ASB15: variants seen among roughly 807,000 people sequenced by gnomAD.
ASB15 encodes ankyrin repeat and SOCS box protein 15.
ASB15 carries 54 observed loss-of-function variants against 58.0 expected under a neutral mutation model. The ratio of observed to expected loss-of-function variants is 0.93; its 90% confidence interval spans 0.75 to 1.17. The LOEUF (loss-of-function observed/expected upper bound fraction) is 1.17. Ranked by LOEUF, ASB15 falls within the 50% of genes most tolerant of loss-of-function variation. ASB15 has a pLI of 0.00. For missense variants in ASB15, 680 were observed against 707.4 expected (o/e 0.96, Z 0.44); for synonymous variants, 249 against 262.4 (o/e 0.95, Z 0.50).
chr7:123,577,917 A>T (rs1799108955), intron 1 of ASB15, among the ~76,000 whole-genome samples: 1 of 151,870 alleles, frequency 6.6e-6, no homozygotes, highest in African/African-American at 2.4e-5. Flanking sequence ...TTATACTTTA[A>T]GTTCCGGGAT....
chr7:123,613,656 G>T (rs1800603176), intron 3 of ASB15, among the ~76,000 whole-genome samples: 3 of 152,124 alleles, frequency 2.0e-5, no homozygotes, highest in Admixed American at 1.3e-4. Flanking sequence ...CTGGTTTCCG[G>T]TCTATGGATG....
At chr7:123,591,172 T>A (rs924351921) in intron 1 of ASB15, among the ~76,000 whole-genome samples, 9 of 152,224 alleles carry the variant, frequency 5.9e-5, no homozygotes, top group Non-Finnish European at 2.9e-5. Flanking sequence ...TTTGCTGAAG[T>A]TGCTTATCAG....
At chr7:123,627,024 T>C in intron 8 of ASB15, 86 bp from the exon 9 acceptor site, 1 of 1,403,006 alleles carries the variant, frequency 7.1e-7, no homozygotes, top group Non-Finnish European at 9.8e-7. Context: ...TGAGCCACCA[T>C]GCCCAGCCCC....
rs1022737165 is a variant in ASB15, at chr7:123,639,099, G to C, written c.*2118G>C. On this transcript the variant is annotated 3_prime_UTR_variant, in exon 12 of 12. Transcript: ENST00000451215. Reference sequence around the variant, plus strand: ...ATGCTATTATTCTTAGATTTTAATAGTGTATTTTTCTTATATTTATTTTTA... The same window carrying C: ...ATGCTATTATTCTTAGATTTTAATACTGTATTTTTCTTATATTTATTTTTA... 1.9e-4 allele frequency: 29 copies of C among 151,348 alleles called. No individual in the cohort carries two copies. The highest frequency in any genetic ancestry group is 6.5e-4 in the African/African-American group (27 of 41,328). 9.4% of individuals were successfully genotyped at this position (151,348 alleles called of 1,614,324 possible).
intron 1 of ASB15, among the ~76,000 whole-genome samples, chr7:123,586,111 A>T (rs1212658577): frequency 2.0e-5 from 3 of 151,824 alleles, no homozygotes; most frequent in Non-Finnish European, 4.4e-5. Context: ...AGGTTGCTAG[A>T]TCATATAATA....
chr7:123,578,066 C>T (rs1176751837), intron 1 of ASB15, among the ~76,000 whole-genome samples: 4 of 150,836 alleles, frequency 2.7e-5, no homozygotes, highest in African/African-American at 9.8e-5. Flanking sequence ...TGACAGGCCC[C>T]GGTGTGTGAA....
At position 123,629,209 on chromosome 7, in the gene ASB15, T is replaced by C. The variant is rs1562940324; in HGVS notation, c.1215T>C (p.Asn405=). The change falls in exon 10 of 12, where the codon AAT becomes AAC. Residue 405 remains asparagine, a synonymous_variant. Transcript: ENST00000451215. ...GGCTGCTTCTCTCCCATGGAGCTAA[T>C]GTCAATTGTTATTTTATGCATGTGA... ...IVRLLLSHGA[N]VNCYFMHVND... is the part of the protein sequence containing the mutation. The C allele has an allele frequency of 1.9e-6, 3 of 1,613,928 alleles. No individual in the cohort carries two copies. The highest frequency in any genetic ancestry group is 1.3e-5 in the African/African-American group (1 of 75,054).
intron 9 of ASB15, 70 bp downstream of exon 9, chr7:123,627,351 G>A: frequency 7.5e-7 from 1 of 1,327,788 alleles, no homozygotes; most frequent in Non-Finnish European, 1.0e-6. Flanking sequence ...ATAATCACAA[G>A]TCTATATGTA....
chr7:123,612,596 G>T (rs1800529656), intron 3 of ASB15, among the ~76,000 whole-genome samples: 2 of 152,118 alleles, frequency 1.3e-5, no homozygotes, highest in African/African-American at 4.8e-5. Flanking sequence ...GGATCAGCTG[G>T]AGGGCCTCGT....
At chr7:123,623,927 AAAGAAAAGAAAGAAAG>A (rs1285522131) in intron 7 of ASB15, among the ~76,000 whole-genome samples, 15 of 20,318 alleles carry the variant, frequency 7.4e-4, no homozygotes, top group South Asian at 3.0e-3. Flanking sequence ...AGGAAGAAAG[AAAGAAAAGAAAGAAAG>A]AAAGAAAGAA....
chr7:123,572,920 T>C (rs1303713796), intron 1 of ASB15, among the ~76,000 whole-genome samples: 1 of 152,120 alleles, frequency 6.6e-6, no homozygotes, highest in South Asian at 2.1e-4. Context: ...TTTTCTCTTT[T>C]TTGTCTTTTT....
At chr7:123,628,616 GA>G (rs555882132) in intron 9 of ASB15, among the ~76,000 whole-genome samples, 2 of 152,164 alleles carry the variant, frequency 1.3e-5, no homozygotes, top group African/African-American at 4.8e-5. Flanking sequence ...ACAATTCTAG[GA>G]AAAAACATAT....
chr7:123,580,977 GAAACC>G (rs140304521), intron 1 of ASB15, among the ~76,000 whole-genome samples: 2,199 of 151,996 alleles, frequency 0.014, 49 homozygotes, highest in African/African-American at 0.049. Flanking sequence ...TACAGAACAG[GAAACC>G]AAACCAACAG....
intron 10 of ASB15, 122 bp downstream of exon 10, chr7:123,629,556 T>TCA: frequency 1.1e-5 from 10 of 916,652 alleles, no homozygotes; most frequent in Non-Finnish European, 1.6e-5. Flanking sequence ...TCTTGTTTTT[T>TCA]CAATTTTTGT....
upstream of ASB15, among the ~76,000 whole-genome samples, chr7:123,597,917 C>CGTGTGTGTGTGTATGT (rs780183019): frequency 0.011 from 1,405 of 133,054 alleles, 16 homozygotes; most frequent in African/African-American, 0.023. Flanking sequence ...TTTCAAACTT[C>CGTGTGTGTGTGTATGT]GTGTGTGTGT....
intron 3 of ASB15, among the ~76,000 whole-genome samples, chr7:123,610,558 G>GT (rs926535828): frequency 2.6e-5 from 4 of 152,130 alleles, no homozygotes; most frequent in African/African-American, 4.8e-5. Flanking sequence ...TAATTCAGTG[G>GT]TTTTTTACCA....
At chr7:123,636,195 C>T (rs1223876134) in intron 11 of ASB15, among the ~76,000 whole-genome samples, 9 of 152,248 alleles carry the variant, frequency 5.9e-5, no homozygotes, top group African/African-American at 2.2e-4. Flanking sequence ...AGCCTGAATG[C>T]TATGCTGCTC....
chr7:123,575,716 CTTAA>C (rs1241782609), intron 1 of ASB15, among the ~76,000 whole-genome samples: 3 of 151,430 alleles, frequency 2.0e-5, no homozygotes, highest in Non-Finnish European at 4.4e-5. Flanking sequence ...ATTTTCTTTA[CTTAA>C]TTATCTTGTA....
At chr7:123,577,857 G>GA (rs1319074922) in intron 1 of ASB15, among the ~76,000 whole-genome samples, 1 of 151,952 alleles carries the variant, frequency 6.6e-6, no homozygotes, top group African/African-American at 2.4e-5. Context: ...TGTTCCTTTT[G>GA]AAAAAATATC....
Sources: gnomAD v4.1 joint callset for allele counts (sites outside exome capture counted in the v4.1 genomes callset) on GRCh38, gnomAD v4.1.1 for gene constraint, MANE v1.5 for transcripts, NCBI Gene and HGNC (gene_info 2026-07-23, HGNC 2026-07-21) for gene names.